The following XPO5 variants were observed in gnomAD, a reference collection of about 807,000 sequenced individuals.
XPO5 encodes exportin-5.
A neutral mutation model predicts 160.6 loss-of-function variants in XPO5; 46 were observed. The observed-to-expected ratio is 0.29, with a 90% confidence interval of 0.23 to 0.37. The LOEUF is 0.37. XPO5 is among the 10% of genes least tolerant of loss of function. The pLI is 1.00. For synonymous variants in XPO5, 537 were observed against 519.3 expected (o/e 1.03, Z -0.46); for missense variants, 1,090 against 1,463.9 (o/e 0.74, Z 4.17).
At chr6:43,535,118 C>T (rs1794235486) in intron 20 of XPO5, among the ~76,000 whole-genome samples, 1 of 151,728 alleles carries the variant, frequency 6.6e-6, no homozygotes, top group Admixed American at 6.6e-5. Flanking sequence ...CAGTGAAACC[C>T]TGTCTCTACT....
At chr6:43,549,431 G>A (rs780051737) in intron 17 of XPO5, 58 bp downstream of exon 17, 23 of 1,506,288 alleles carry the variant, frequency 1.5e-5, no homozygotes, top group Non-Finnish European at 2.1e-5. Flanking sequence ...ACTGAAAGCT[G>A]GATTTACACA....
chr6:43,567,217 T>A lies in XPO5; in HGVS notation c.786A>T (p.Glu262Asp), dbSNP rs1490830459. 4 of 1,613,746 alleles carry A rather than the reference T, an allele frequency of 2.5e-6. No individual in the cohort carries two copies. The highest frequency in any genetic ancestry group is 3.3e-4 in the Middle Eastern group (2 of 6,058). ...GACACTCAGCGGCTCCCAACTGAAG[T>A]TCCTGTTCATTCAACAGCAAACACA... is the stretch of plus-strand genomic sequence containing the variant. ...EILCLLLNEQELQLGAAECLL... is the reference protein window; with the variant it reads ...EILCLLLNEQDLQLGAAECLL... The change falls in exon 7 of 32, where the codon GAA (glutamate) becomes GAT (aspartate). Residue 262 changes from glutamate to aspartate, a missense_variant. Physicochemically the swap from Glu to Asp is conservative, Grantham distance 45. Transcript: ENST00000265351.
rs760354757 is a variant in XPO5 at position 43,547,710 on chromosome 6, G to A, written c.2061-3C>T. 12 of 1,613,564 alleles carry A rather than the reference G, an allele frequency of 7.4e-6. No individual in the cohort carries two copies. Among genetic ancestry groups the A allele is most frequent in the South Asian group, 1.1e-5 (1 of 91,084 alleles). ...AAGCATCAACATCTGACAGCACTCT[G>A]AAGGTTGGAGGGGGAAAAACAAGTT... is the stretch of plus-strand genomic sequence containing the variant. On this transcript the variant is annotated splice_polypyrimidine_tract_variant and splice_region_variant and intron_variant, in intron 18 of 31. Transcript: ENST00000265351.
chr6:43,558,631 G>C (rs961265657), intron 11 of XPO5, 40 bp from the exon 12 acceptor site: 61 of 1,476,214 alleles, frequency 4.1e-5, no homozygotes, highest in Non-Finnish European at 5.2e-5. Flanking sequence ...GATGAAAGTG[G>C]ACCCACTGAA....
At chr6:43,564,453 C>T (rs909809520) in intron 8 of XPO5, among the ~76,000 whole-genome samples, 4 of 151,680 alleles carry the variant, frequency 2.6e-5, no homozygotes, top group African/African-American at 7.3e-5. Context: ...CGCTTGAACC[C>T]GGGAGGCAGA....
At position 43,546,741 on chromosome 6, in the gene XPO5, A is replaced by G; in HGVS notation, c.2172T>C (p.Cys724=). 4 of 1,588,952 alleles carry G rather than the reference A, an allele frequency of 2.5e-6. No individual in the cohort carries two copies. The highest frequency in any genetic ancestry group is 3.4e-6 in the Non-Finnish European group (4 of 1,171,598). ...TCACCACACCCAGAATGCTGTATAC[A>G]CAAAAGCTCATCTATAGAAAAATAA... is the stretch of plus-strand genomic sequence containing the variant. ...CGLNRARMSF[C]VYSILGVVKR... is the part of the protein sequence containing the mutation. The change falls in exon 20 of 32, where the codon TGT becomes TGC. Residue 724 remains cysteine, a synonymous_variant. Coordinates refer to ENST00000265351, the MANE Select transcript of XPO5 (RefSeq NM_020750.3).
intron 12 of XPO5, among the ~76,000 whole-genome samples, chr6:43,556,915 G>A (rs113782875): frequency 0.017 from 2,632 of 151,938 alleles, 33 homozygotes; most frequent in Non-Finnish European, 0.028. Flanking sequence ...ATCAGCTGAG[G>A]TCGGGAGTTC....
chr6:43,547,855 A>G (rs563422938), intron 18 of XPO5, 148 bp from the exon 19 acceptor site: 68 of 623,090 alleles, frequency 1.1e-4, no homozygotes, highest in African/African-American at 1.1e-3. Flanking sequence ...GTCAGTTGTC[A>G]TTTGAAGGTT....
intron 14 of XPO5, among the ~76,000 whole-genome samples, chr6:43,551,970 C>T (rs976383704): frequency 1.2e-4 from 19 of 152,166 alleles, no homozygotes; most frequent in Non-Finnish European, 2.1e-4. Flanking sequence ...CTCAGCTGTG[C>T]GTGCCCTTCT....
chr6:43,555,665 G>A (rs1762041352), intron 13 of XPO5, 171 bp downstream of exon 13: 2 of 668,392 alleles, frequency 3.0e-6, no homozygotes, highest in Admixed American at 3.5e-5. Context: ...TGTGTCATCT[G>A]CTTTCTTTGT....
intron 20 of XPO5, chr6:43,539,575 G>GC (rs1794569566): frequency 7.3e-7 from 1 of 1,361,706 alleles, no homozygotes; most frequent in African/African-American, 1.4e-5. Flanking sequence ...CTCAGCCCCG[G>GC]CCCGGTCCAC....
At chr6:43,567,389 C>T (rs1251092907) in intron 6 of XPO5, 35 bp from the exon 7 acceptor site, 3 of 1,554,992 alleles carry the variant, frequency 1.9e-6, no homozygotes, top group East Asian at 4.5e-5. Context: ...ACCATGAAGT[C>T]CTCGGTAACA....
chr6:43,575,738 A>G (rs376384354), intron 1 of XPO5, 22 bp downstream of exon 1: 60 of 1,600,780 alleles, frequency 3.7e-5, no homozygotes, highest in Admixed American at 1.2e-4. Context: ...GGACCGGCCC[A>G]GGACGCCAGG....
rs1106841 is a variant in XPO5 at position 43,528,924 on chromosome 6, A to C, written c.2679T>G (p.Arg893=). The C allele has an allele frequency of 0.39, 627,177 of 1,609,480 alleles. 127,379 individuals carry two copies. The highest frequency in any genetic ancestry group is 0.63 in the African/African-American group (46,737 of 74,774). Reference sequence around the variant, plus strand: ...AGAGCACCAGAGGCTTTACAAAGACACGTGCTGCAACAAGTTAAGAAATTT... The same window carrying C: ...AGAGCACCAGAGGCTTTACAAAGACCCGTGCTGCAACAAGTTAAGAAATTT... The part of the protein sequence containing the change: ...IPDYRLRPML[R]VFVKPLVLFC... Residue 893 remains arginine (R), a splice_region_variant and synonymous_variant, in exon 24 of 32, where the codon CGT becomes CGG. Coordinates refer to ENST00000265351, the MANE Select transcript of XPO5 (RefSeq NM_020750.3).
chr6:43,567,402 TAAGG>T, intron 6 of XPO5, 48 bp from the exon 7 acceptor site: 1 of 1,521,790 alleles, frequency 6.6e-7, no homozygotes, highest in Non-Finnish European at 8.8e-7. Flanking sequence ...CGGTAACAGG[TAAGG>T]AATCAGTGGT....
At position 43,573,337 on chromosome 6, in the gene XPO5, G is replaced by A. The variant is rs59195086; in HGVS notation, c.227+143C>T. On this transcript the variant is annotated intron_variant, in intron 2 of 31. Coordinates refer to ENST00000265351, the MANE Select transcript of XPO5 (RefSeq NM_020750.3). ...AAATCTTGAATGAGAGCTCCTGTGAGGTTCTGATAACATCTAGGGGATCAT... is the reference window on the plus strand; with the variant it reads ...AAATCTTGAATGAGAGCTCCTGTGAAGTTCTGATAACATCTAGGGGATCAT... The A allele has an allele frequency of 1.6e-3, 1,766 of 1,094,782 alleles. 18 individuals are homozygous for A. In the African/African-American group the frequency reaches 0.025, roughly 16 times the overall value. 67.8% of individuals were successfully genotyped at this position (1,094,782 alleles called of 1,614,324 possible). A position where few individuals can be genotyped will look rare whatever the true frequency, so the allele number is the denominator to read the frequency against.
chr6:43,572,309 G>A (rs1351640539), intron 3 of XPO5, among the ~76,000 whole-genome samples, 197 bp downstream of exon 3: 1 of 152,202 alleles, frequency 6.6e-6, no homozygotes, highest in Non-Finnish European at 1.5e-5. Context: ...ATTCTTAGAT[G>A]CAGGTGATCC....
chr6:43,526,661 C>T, intron 27 of XPO5, 24 bp downstream of exon 27: 1 of 1,613,474 alleles, frequency 6.2e-7, no homozygotes, highest in East Asian at 2.2e-5. Flanking sequence ...GAGCAGAACT[C>T]CAAGGTCTCA....
intron 20 of XPO5, among the ~76,000 whole-genome samples, chr6:43,543,551 T>C (rs1294138925): frequency 6.6e-6 from 1 of 152,208 alleles, no homozygotes; most frequent in African/African-American, 2.4e-5. Context: ...TTAGGTAAAG[T>C]TGCTTCTTGA....
Sources: gnomAD v4.1 joint callset for allele counts (sites outside exome capture counted in the v4.1 genomes callset) on GRCh38, gnomAD v4.1.1 for gene constraint, MANE v1.5 for transcripts, NCBI Gene and HGNC (gene_info 2026-07-23, HGNC 2026-07-21) for gene names.